TANK: variants seen among roughly 807,000 people sequenced by gnomAD.
TANK encodes TRAF family member-associated NF-kappa-B activator.
TANK carries 15 observed loss-of-function variants against 43.6 expected under a neutral mutation model. The observed-to-expected ratio is 0.34, with a 90% confidence interval of 0.23 to 0.53. The LOEUF (loss-of-function observed/expected upper bound fraction) is 0.53, where lower values mean the gene tolerates loss of function less well. TANK is among the 20% of genes least tolerant of loss of function. The probability of loss-of-function intolerance (pLI) is 0.94; values close to 1 mark genes in which losing one functional copy is unlikely to be tolerated. For missense variants in TANK, 417 were observed against 498.6 expected (o/e 0.84, Z 1.56); for synonymous variants, 162 against 178.2 (o/e 0.91, Z 0.73).
intron 1 of TANK, among the ~76,000 whole-genome samples, chr2:161,174,635 A>G (rs1429228128): frequency 6.6e-6 from 1 of 152,208 alleles, no homozygotes; most frequent in East Asian, 1.9e-4. Flanking sequence ...AGGAGATTCT[A>G]TTATCCAAAC....
intron 2 of TANK, among the ~76,000 whole-genome samples, chr2:161,188,375 A>T (rs964295215): frequency 6.6e-5 from 10 of 152,166 alleles, no homozygotes; most frequent in African/African-American, 2.2e-4. Context: ...TACAAAAGTT[A>T]AAAATATCAT....
intron 2 of TANK, among the ~76,000 whole-genome samples, chr2:161,199,156 A>G (rs555812303): frequency 1.6e-4 from 25 of 152,286 alleles, no homozygotes; most frequent in Non-Finnish European, 3.7e-4. Flanking sequence ...TATGGAGAGC[A>G]TTTGTGGTAG....
chr2:161,175,494 C>G (rs1373801663), intron 1 of TANK, among the ~76,000 whole-genome samples: 1 of 152,100 alleles, frequency 6.6e-6, no homozygotes, highest in South Asian at 2.1e-4. Context: ...CCTTGCTGTT[C>G]CCCATATGGT....
At chr2:161,180,048 TAAG>T (rs892284450) in intron 2 of TANK, 1 of 1,042,188 alleles carries the variant, frequency 9.6e-7, no homozygotes, top group African/African-American at 1.7e-5. Context: ...TATTTATAAA[TAAG>T]GAGGAAATAA....
chr2:161,179,548 G>C (rs1266818831), intron 1 of TANK, 66 bp from the exon 2 acceptor site: 1 of 1,390,674 alleles, frequency 7.2e-7, no homozygotes, highest in African/African-American at 1.5e-5. Context: ...CTATCTTTAA[G>C]ATGCATTTTT....
At chr2:161,161,671 T>C in intron 1 of TANK, 1 of 499,542 alleles carries the variant, frequency 2.0e-6, no homozygotes, top group Non-Finnish European at 3.4e-6. Context: ...GTGAAAGTCT[T>C]GCCATATGTA....
chr2:161,190,086 A>G (rs1558985146), intron 2 of TANK, among the ~76,000 whole-genome samples: 1 of 152,226 alleles, frequency 6.6e-6, no homozygotes, highest in Admixed American at 6.5e-5. Context: ...CATATTTGGT[A>G]AGAAATTGAT....
chr2:161,199,081 C>T (rs1191469911), intron 2 of TANK, among the ~76,000 whole-genome samples: 2 of 152,142 alleles, frequency 1.3e-5, no homozygotes, highest in African/African-American at 4.8e-5. Flanking sequence ...TAGTTTCTAT[C>T]TAAAGTGCTA....
chr2:161,235,706 A>G lies in TANK; in HGVS notation c.*188A>G. The G allele has an allele frequency of 2.1e-6, 1 of 467,020 alleles. No homozygotes were observed. Among genetic ancestry groups the G allele is most frequent in the Non-Finnish European group, 3.6e-6 (1 of 278,178 alleles). 28.9% of individuals were successfully genotyped at this position (467,020 alleles called of 1,614,324 possible). A position where few individuals can be genotyped will look rare whatever the true frequency, so the allele number is the denominator to read the frequency against. ...AAAAGATCATTCTGTTCTTTCAAGGAGAAATAAGCCTAAAAGAAGAAAAAC... is the reference window on the plus strand; with the variant it reads ...AAAAGATCATTCTGTTCTTTCAAGGGGAAATAAGCCTAAAAGAAGAAAAAC... On this transcript the variant is annotated 3_prime_UTR_variant, in exon 8 of 8. Transcript: ENST00000392749.
chr2:161,149,962 CT>C (rs1486987156), intron 1 of TANK, among the ~76,000 whole-genome samples: 5 of 152,260 alleles, frequency 3.3e-5, no homozygotes, highest in African/African-American at 1.2e-4. Context: ...TATCACGTCT[CT>C]GTCTGGCTTC....
chr2:161,160,880 C>T (rs1189096527), intron 1 of TANK: 3 of 485,174 alleles, frequency 6.2e-6, no homozygotes, highest in Middle Eastern at 3.2e-4. Context: ...GAGACTGCCT[C>T]CTAGAATCAA....
intron 4 of TANK, among the ~76,000 whole-genome samples, chr2:161,205,441 A>G (rs1686606592): frequency 1.3e-5 from 2 of 152,140 alleles, no homozygotes; most frequent in Non-Finnish European, 1.5e-5. Context: ...CAGGTAAATA[A>G]TAAGACACAG....
At chr2:161,191,987 C>T (rs1376120022) in intron 2 of TANK, among the ~76,000 whole-genome samples, 1 of 152,038 alleles carries the variant, frequency 6.6e-6, no homozygotes, top group African/African-American at 2.4e-5. Context: ...GGGGTTTCAC[C>T]TTGTTGGCCA....
At position 161,187,065 on chromosome 2, in the gene TANK, C is replaced by T. The variant is rs116212271; in HGVS notation, c.99+7304C>T. ...AGGTGGAAAAGGGAGAACACTCATACAGTTGTTAATAACCAAAAGAGAGCA... is the reference window on the plus strand; with the variant it reads ...AGGTGGAAAAGGGAGAACACTCATATAGTTGTTAATAACCAAAAGAGAGCA... On this transcript the variant is annotated intron_variant, in intron 2 of 7. Transcript: ENST00000392749. Among the ~76,000 whole-genome samples the T allele has an allele frequency of 6.1e-3, 923 of 152,226 alleles. 7 individuals carry two copies. The highest frequency in any genetic ancestry group is 0.021 in the African/African-American group (880 of 41,550).
chr2:161,175,407 A>G (rs570048034), intron 1 of TANK, among the ~76,000 whole-genome samples: 4 of 152,276 alleles, frequency 2.6e-5, no homozygotes, highest in South Asian at 2.1e-4. Context: ...GAATGTTAAT[A>G]TGTAATAGGA....
At chr2:161,219,762 C>A in intron 4 of TANK, 1 of 464,620 alleles carries the variant, frequency 2.2e-6, no homozygotes, top group South Asian at 1.6e-5. Context: ...CATCTTTTGT[C>A]TCAGTATATG....
At chr2:161,200,361 T>G in intron 2 of TANK, 1 of 985,066 alleles carries the variant, frequency 1.0e-6, no homozygotes, top group South Asian at 4.7e-5. Flanking sequence ...AGGACTTTTC[T>G]GGTTTTAAGT....
intron 4 of TANK, chr2:161,219,611 A>G (rs1375100455): frequency 7.0e-6 from 2 of 284,764 alleles, no homozygotes; most frequent in Non-Finnish European, 1.4e-5. Flanking sequence ...TTTATGTACT[A>G]TTCTTTTATG....
At chr2:161,179,515 T>C in intron 1 of TANK, 99 bp from the exon 2 acceptor site, 2 of 1,014,742 alleles carry the variant, frequency 2.0e-6, no homozygotes, top group Non-Finnish European at 2.7e-6. Flanking sequence ...GGTGGTATAA[T>C]GTTTGTGGTA....
Sources: allele counts gnomAD v4.1 joint callset (sites outside exome capture counted in the v4.1 genomes callset), GRCh38; gene constraint gnomAD v4.1.1; transcripts MANE v1.5; gene names NCBI Gene and HGNC (gene_info 2026-07-23, HGNC 2026-07-21).